The following DDX41 variants were observed in gnomAD, a reference collection of about 807,000 sequenced individuals.
The protein encoded by DDX41 is probable ATP-dependent RNA helicase DDX41.
A neutral mutation model predicts 78.8 loss-of-function variants in DDX41; 50 were observed. That is an observed-to-expected ratio of 0.63 (90% CI 0.51 to 0.80). DDX41 has a LOEUF of 0.80. Ranked by LOEUF, DDX41 falls within the 30% of genes least tolerant of loss-of-function variation. The pLI is 0.00. For missense variants in DDX41, 633 were observed against 849.2 expected (o/e 0.75, Z 3.16); for synonymous variants, 381 against 321.5 (o/e 1.19, Z -1.98).
rs1761189214 is a variant in DDX41 at position 177,515,606 on chromosome 5, G to T, written c.571+79C>A. 5 of 1,554,936 alleles carry T rather than the reference G, an allele frequency of 3.2e-6. No homozygotes were observed. In the East Asian group the frequency reaches 1.1e-4, roughly 35 times the overall value. On this transcript the variant is annotated intron_variant, in intron 6 of 16. Transcript: ENST00000330503. ...GACTGGATCCAATGCAGATGTGGCT[G>T]AGCTCAGTGGGAGCCAGGACATAAC...
intron 1 of DDX41, 30 bp downstream of exon 1, chr5:177,516,889 C>A: frequency 6.2e-7 from 1 of 1,613,370 alleles, no homozygotes; most frequent in South Asian, 1.1e-5. Context: ...CGCCCGCTCC[C>A]ACACGCGCGG....
At chr5:177,515,425 G>T in intron 6 of DDX41, 167 bp from the exon 7 acceptor site, 2 of 904,584 alleles carry the variant, frequency 2.2e-6, no homozygotes, top group Non-Finnish European at 3.5e-6. Flanking sequence ...CTTGTCCAAG[G>T]CCCACAGGCT....
rs1405173089 is a variant in DDX41, at chr5:177,512,363, C to G, written c.1580G>C (p.Gly527Ala). 1 of 1,613,900 alleles carries G rather than the reference C, an allele frequency of 6.2e-7. No homozygotes were observed. Among genetic ancestry groups the G allele is most frequent in the Non-Finnish European group, 8.5e-7 (1 of 1,180,004 alleles). Reference protein sequence around the residue: ...VHRIGRTGRSGNTGIATTFIN... With the variant: ...VHRIGRTGRSANTGIATTFIN... ...GAAGGTAGTGGCGATGCCTGTGTTT[C>G]CCGAGCGCCCGGTGCGGCCAATCCG... Residue 527 changes from glycine to alanine, a missense_variant, in exon 15 of 17, where the codon GGA (glycine) becomes GCA (alanine). Physicochemically the swap from Gly to Ala is moderately conservative, Grantham distance 60 (BLOSUM62 0). Coordinates refer to ENST00000330503, the MANE Select transcript of DDX41 (RefSeq NM_016222.4).
chr5:177,512,364 C>T lies in DDX41; in HGVS notation c.1579G>A (p.Gly527Arg). Residue 527 changes from glycine (G) to arginine (R), a missense_variant, in exon 15 of 17, where the codon GGA (glycine) becomes AGA (arginine). Gly to Arg is a moderately radical substitution (Grantham distance 125, BLOSUM62 -2). Coordinates refer to ENST00000330503, the MANE Select transcript of DDX41 (RefSeq NM_016222.4). ...AAGGTAGTGGCGATGCCTGTGTTTC[C>T]CGAGCGCCCGGTGCGGCCAATCCGG... is the stretch of plus-strand genomic sequence containing the variant. ...VHRIGRTGRS[G>R]NTGIATTFIN... 1 of 1,613,982 alleles carries T rather than the reference C, an allele frequency of 6.2e-7. No individual in the cohort carries two copies. Among genetic ancestry groups the T allele is most frequent in the Non-Finnish European group, 8.5e-7 (1 of 1,179,992 alleles).
rs772246357 is a variant in DDX41 at position 177,514,949 on chromosome 5, G to A, written c.765C>T (p.Arg255=). The A allele has an allele frequency of 6.2e-6, 10 of 1,612,218 alleles. No homozygotes were observed. Among genetic ancestry groups the A allele is most frequent in the Middle Eastern group, 1.6e-4 (1 of 6,084 alleles). The change falls in exon 8 of 17, where the codon CGC becomes CGT. Residue 255 remains arginine, a synonymous_variant. Transcript: ENST00000330503. This position sits in a 1 kb window ranked among gnomAD's most constrained non-coding sequence, Gnocchi z 4.2. ...AGATGATGAGTCCATAGGGCCCCTC[G>A]CGCTTTGAGAAGGGTAACCTCTTCT... ...EQEKRLPFSK[R]EGPYGLIICP...
chr5:177,515,376 G>C (rs1392095902), intron 6 of DDX41, 118 bp from the exon 7 acceptor site: 3 of 1,014,446 alleles, frequency 3.0e-6, no homozygotes, highest in Non-Finnish European at 4.6e-6. Flanking sequence ...GGCTCAGAGA[G>C]AGAGAGAGAG....
chr5:177,511,669 G>T lies in DDX41; in HGVS notation c.*122C>A. Reference sequence around the variant, plus strand: ...CACAGGGAACAGGCAGCCAGGACCAGCCTGGCCCATCCCAGGCCAGCTGAG... The same window carrying T: ...CACAGGGAACAGGCAGCCAGGACCATCCTGGCCCATCCCAGGCCAGCTGAG... On this transcript the variant is annotated 3_prime_UTR_variant, in exon 17 of 17. Coordinates refer to ENST00000330503, the MANE Select transcript of DDX41 (RefSeq NM_016222.4). 1 of 1,356,732 alleles carries T rather than the reference G, an allele frequency of 7.4e-7. No individual in the cohort carries two copies. The highest frequency in any genetic ancestry group is 1.0e-6 in the Non-Finnish European group (1 of 971,832). The allele number at this position is 1,356,732 out of a possible 1,614,324, so 84.0% of individuals were successfully genotyped here. A position where few individuals can be genotyped will look rare whatever the true frequency, so the allele number is the denominator to read the frequency against.
rs186694418 is a variant in DDX41, at chr5:177,513,637, G to A, written c.1098+48C>T. The A allele has an allele frequency of 4.8e-4, 775 of 1,608,342 alleles. 4 individuals carry two copies. The African/African-American group carries it at 6.9e-3, about 14-fold the overall frequency. On this transcript the variant is annotated intron_variant, in intron 10 of 16. Transcript: ENST00000330503. The surrounding 1 kb of genome is among the most constrained non-coding windows in gnomAD (Gnocchi z 4.6). The stretch of plus-strand genomic sequence containing the variant: ...TGGGGTCCCTGCAGTCTGATGTGGC[G>A]TGCAGTGGGGGGCGGTGCAGGGTGC...
At chr5:177,512,027 T>A (rs1760976348) in intron 16 of DDX41, 69 bp downstream of exon 16, 2 of 1,606,856 alleles carry the variant, frequency 1.2e-6, no homozygotes, top group Non-Finnish European at 8.5e-7. Flanking sequence ...CGGTTTCACG[T>A]TTCTGACTTC....
At chr5:177,515,886 G>GTACCATC (rs1445210615) in intron 5 of DDX41, 43 bp downstream of exon 5, 1 of 1,614,134 alleles carries the variant, frequency 6.2e-7, no homozygotes, top group East Asian at 2.2e-5. Context: ...ATCCCTGCAT[G>GTACCATC]TACCATCCTA....
rs1391161237 is a variant in DDX41 at position 177,511,806 on chromosome 5, G to A, written c.1854C>T (p.Ser618=). 3.7e-6 allele frequency: 6 copies of A among 1,614,058 alleles called. No individual in the cohort carries two copies. The Admixed American group carries it at 8.3e-5, about 22-fold the overall frequency. ...NIGRKDYLAH[S]SMDF ...GACTGTCGGCTCAGAAGTCCATGGA[G>A]CTGTGGGCCAGGTAGTCCTTGCGAC... is the stretch of plus-strand genomic sequence containing the variant. The change falls in exon 17 of 17, where the codon AGC becomes AGT. Residue 618 remains serine (S), a synonymous_variant. Transcript: ENST00000330503.
At chr5:177,515,846 G>A (rs1761204054) in intron 5 of DDX41, 25 bp from the exon 6 acceptor site, 1 of 1,614,066 alleles carries the variant, frequency 6.2e-7, no homozygotes, top group Non-Finnish European at 8.5e-7. Flanking sequence ...CAGGGATCAA[G>A]AGAGCCCTGG....
rs756656167 is a variant in DDX41 at position 177,512,536 on chromosome 5, G to A, written c.1509C>T (p.His503=). The change falls in exon 14 of 17, where the codon CAC becomes CAT. Residue 503 remains histidine, a synonymous_variant. Coordinates refer to ENST00000330503, the MANE Select transcript of DDX41 (RefSeq NM_016222.4). ...SKGLDFPAIQ[H]VINYDMPEEI... Reference sequence around the variant, plus strand: ...CCTCTGGCATGTCATAATTGATGACGTGCTGGATGGCAGGGAAGTCCAGGC... The same window carrying A: ...CCTCTGGCATGTCATAATTGATGACATGCTGGATGGCAGGGAAGTCCAGGC... 25 of 1,614,038 alleles carry A rather than the reference G, an allele frequency of 1.5e-5. No homozygotes were observed. Among genetic ancestry groups the A allele is most frequent in the African/African-American group, 4.0e-5 (3 of 74,916 alleles).
At chr5:177,512,755 A>G in intron 13 of DDX41, 25 bp downstream of exon 13, 2 of 1,613,772 alleles carry the variant, frequency 1.2e-6, no homozygotes, top group Non-Finnish European at 1.7e-6. Flanking sequence ...AGCAGGGTCC[A>G]AGCCAGTGCT....
Position 177,512,046 on chromosome 5 carries a change from C to T in DDX41, c.1732+50G>A, listed in dbSNP as rs377747269. 78 of 1,608,622 alleles carry T rather than the reference C, an allele frequency of 4.8e-5. No homozygotes were observed. The African/African-American group carries it at 9.6e-4, about 20-fold the overall frequency. ...TTCACGTTTCTGACTTCCAGCACCC[C>T]TCCTTGCCACCTGCCGGCTGGGGAC... On this transcript the variant is annotated intron_variant, in intron 16 of 16. Coordinates refer to ENST00000330503, the MANE Select transcript of DDX41 (RefSeq NM_016222.4).
At position 177,514,909 on chromosome 5, in the gene DDX41, A is replaced by G. The variant is rs764806939; in HGVS notation, c.798+7T>C. On this transcript the variant is annotated splice_region_variant and intron_variant, in intron 8 of 16. Coordinates refer to ENST00000330503, the MANE Select transcript of DDX41 (RefSeq NM_016222.4). This position sits in a 1 kb window ranked among gnomAD's most constrained non-coding sequence, Gnocchi z 4.2. ...TCTGGCCTGCCCTCCAGGCCAGCCT[A>G]TCTTACCGAGGGGCAGATGATGAGT... 16 of 1,603,116 alleles carry G rather than the reference A, an allele frequency of 1.0e-5. No homozygotes were observed. Among genetic ancestry groups the G allele is most frequent in the East Asian group, 4.5e-5 (2 of 44,552 alleles).
intron 3 of DDX41, 32 bp from the exon 4 acceptor site, chr5:177,516,225 T>A (rs1361426203): frequency 2.5e-6 from 4 of 1,614,032 alleles, no homozygotes; most frequent in Non-Finnish European, 2.5e-6. Context: ...GTCAGACAGA[T>A]ACCAAAACGG....
rs767976806 is a variant in DDX41, at chr5:177,513,679, C to T, written c.1098+6G>A. 3.7e-6 allele frequency: 6 copies of T among 1,612,836 alleles called. No individual in the cohort carries two copies. Among genetic ancestry groups the T allele is most frequent in the African/African-American group, 2.7e-5 (2 of 74,878 alleles). On this transcript the variant is annotated splice_donor_region_variant and intron_variant, in intron 10 of 16. Transcript: ENST00000330503. This position sits in a 1 kb window ranked among gnomAD's most constrained non-coding sequence, Gnocchi z 4.6. ...GCAGGGTGCCCTGGCCGGGCGGGGGCGGCACCTTGAAGTAGGAGAAGATGG... is the reference window on the plus strand; with the variant it reads ...GCAGGGTGCCCTGGCCGGGCGGGGGTGGCACCTTGAAGTAGGAGAAGATGG...
In DDX41 at chr5:177,514,357, G is replaced by T. The variant is rs950946024; in HGVS notation, c.935+344C>A. 3 of 460,740 alleles carry T rather than the reference G, an allele frequency of 6.5e-6. No homozygotes were observed. The highest frequency in any genetic ancestry group is 8.2e-6 in the Non-Finnish European group (2 of 244,304). The allele number at this position is 460,740 out of a possible 1,614,324, so 28.5% of individuals were successfully genotyped here. On this transcript the variant is annotated intron_variant, in intron 9 of 16. Transcript: ENST00000330503. This position sits in a 1 kb window ranked among gnomAD's most constrained non-coding sequence, Gnocchi z 4.2. ...GCCTCAACCTCCTTGACTGACCACT[G>T]AATGACCCTGACCTTCCTGGGCCGT...
Sources: allele counts gnomAD v4.1 joint callset, GRCh38; gene constraint gnomAD v4.1.1; non-coding constraint Gnocchi (gnomAD v3.1); transcripts MANE v1.5; gene names NCBI Gene and HGNC (gene_info 2026-07-23, HGNC 2026-07-21).